SLC24A4: variants seen among roughly 807,000 people sequenced by gnomAD.
The protein encoded by SLC24A4 is sodium/potassium/calcium exchanger 4.
SLC24A4 carries 53 observed loss-of-function variants against 79.0 expected under a neutral mutation model. That is an observed-to-expected ratio of 0.67 (90% CI 0.54 to 0.84). The LOEUF (loss-of-function observed/expected upper bound fraction) is 0.84, where lower values mean the gene tolerates loss of function less well. Among genes scored for constraint, SLC24A4 ranks in the 40% least tolerant of loss-of-function variants. SLC24A4 has a pLI of 0.00. For missense variants in SLC24A4, 731 were observed against 822.0 expected, an observed-to-expected ratio of 0.89 and a Z score of 1.35; for synonymous variants, 323 against 323.8, an observed-to-expected ratio of 1.00 and a Z score of 0.03.
intron 2 of SLC24A4, among the ~76,000 whole-genome samples, chr14:92,350,464 C>T (rs1038916085): frequency 2.6e-5 from 4 of 152,164 alleles, no homozygotes; most frequent in Admixed American, 2.6e-4. Flanking sequence ...AGGACCCTCC[C>T]AAATTGTTGG....
At chr14:92,361,917 T>TCGG (rs1800098678) in intron 2 of SLC24A4, among the ~76,000 whole-genome samples, 1 of 152,100 alleles carries the variant, frequency 6.6e-6, no homozygotes, top group Non-Finnish European at 1.5e-5. Flanking sequence ...ATATGGCATC[T>TCGG]CAAAGGGGAG....
At chr14:92,388,116 T>G (rs1889266555) in intron 2 of SLC24A4, among the ~76,000 whole-genome samples, 1 of 152,154 alleles carries the variant, frequency 6.6e-6, no homozygotes, top group Non-Finnish European at 1.5e-5. Flanking sequence ...TTGTGGAACC[T>G]CCATACTGTT....
chr14:92,471,547 T>C (rs956868929), intron 12 of SLC24A4, among the ~76,000 whole-genome samples: 5 of 152,178 alleles, frequency 3.3e-5, no homozygotes, highest in African/African-American at 1.2e-4. Flanking sequence ...TTCCCAAGGT[T>C]GACCCTTGTT....
intron 2 of SLC24A4, among the ~76,000 whole-genome samples, chr14:92,428,523 A>T (rs1232732113): frequency 6.6e-6 from 1 of 152,196 alleles, no homozygotes; most frequent in African/African-American, 2.4e-5. Context: ...ATCAAGGACA[A>T]TGTCAGGATT....
rs761447643 is a variant in SLC24A4, at chr14:92,443,386, G to A, written c.583-14G>A. The A allele has an allele frequency of 1.9e-6, 3 of 1,614,002 alleles. No homozygotes were observed. Among genetic ancestry groups the A allele is most frequent in the Non-Finnish European group, 2.5e-6 (3 of 1,179,980 alleles). On this transcript the variant is annotated splice_polypyrimidine_tract_variant and intron_variant, in intron 6 of 16. Transcript: ENST00000532405. ...CTGCGCTCATAGCAGCCAACGACGG[G>A]GCTCTGCTGGCAGGTGGTCCGTCTG...
rs1374861855 is a variant in SLC24A4 at position 92,499,891 on chromosome 14, G to C, written c.*6263G>C. The C allele has an allele frequency of 1.3e-5, 2 of 149,432 alleles. No individual in the cohort carries two copies. Among genetic ancestry groups the C allele is most frequent in the Non-Finnish European group, 3.0e-5 (2 of 67,714 alleles). 9.3% of individuals were successfully genotyped at this position (149,432 alleles called of 1,614,324 possible). The stretch of plus-strand genomic sequence containing the variant: ...GCCTCACTCTGTTGCCCAGGCTGGA[G>C]TGCAGTGGCGCGATCTCCACTCACT... On this transcript the variant is annotated 3_prime_UTR_variant, in exon 17 of 17. Coordinates refer to ENST00000532405, the MANE Select transcript of SLC24A4 (RefSeq NM_153646.4).
At chr14:92,411,106 G>T (rs1890684671) in intron 2 of SLC24A4, among the ~76,000 whole-genome samples, 1 of 152,204 alleles carries the variant, frequency 6.6e-6, no homozygotes, top group Non-Finnish European at 1.5e-5. Flanking sequence ...TCAGGTCCCA[G>T]AGAGGGAGTA....
Position 92,491,675 on chromosome 14 carries a change from C to T in SLC24A4, c.1548C>T (p.Asp516=), listed in dbSNP as rs1472289238. The T allele has an allele frequency of 6.2e-7, 1 of 1,613,308 alleles. No homozygotes were observed. The highest frequency in any genetic ancestry group is 8.5e-7 in the Non-Finnish European group (1 of 1,179,240). ...SLIVARQGLG[D]MAVSNTIGSN... ...TGTTGTCCCCTGCAGGCCTTGGGGA[C>T]ATGGCAGTCTCCAACACCATAGGAA... is the stretch of plus-strand genomic sequence containing the variant. Residue 516 remains aspartate, a synonymous_variant, in exon 15 of 17, where the codon GAC becomes GAT. Coordinates refer to ENST00000532405, the MANE Select transcript of SLC24A4 (RefSeq NM_153646.4).
At chr14:92,368,276 A>G (rs1173857337) in intron 2 of SLC24A4, among the ~76,000 whole-genome samples, 2 of 152,250 alleles carry the variant, frequency 1.3e-5, no homozygotes, top group Non-Finnish European at 2.9e-5. Context: ...GGAAAAAATC[A>G]TCACAGCTAC....
At chr14:92,436,192 G>A (rs545941073) in intron 3 of SLC24A4, among the ~76,000 whole-genome samples, 12 of 152,226 alleles carry the variant, frequency 7.9e-5, no homozygotes, top group Non-Finnish European at 1.5e-4. Context: ...GCAGGGAAGA[G>A]AGATCATGCA....
intron 12 of SLC24A4, among the ~76,000 whole-genome samples, chr14:92,474,478 TTTGTTG>T (rs201635435): frequency 1.3e-5 from 2 of 151,718 alleles, no homozygotes. Flanking sequence ...CCACATTTGT[TTTGTTG>T]TTGTTGTTGT....
chr14:92,368,214 A>G (rs1011513220), intron 2 of SLC24A4, among the ~76,000 whole-genome samples: 16 of 152,226 alleles, frequency 1.1e-4, no homozygotes, highest in African/African-American at 3.6e-4. Flanking sequence ...TGGGCAATTC[A>G]TTAATTTCCA....
chr14:92,354,168 CTTTTT>C (rs111511708), intron 2 of SLC24A4, among the ~76,000 whole-genome samples: 1 of 142,500 alleles, frequency 7.0e-6, no homozygotes, highest in East Asian at 2.1e-4. Flanking sequence ...TTACTGACTA[CTTTTT>C]TTTTTTTTTT....
At chr14:92,475,330 G>A (rs1894706194) in intron 12 of SLC24A4, among the ~76,000 whole-genome samples, 1 of 152,176 alleles carries the variant, frequency 6.6e-6, no homozygotes, top group African/African-American at 2.4e-5. Flanking sequence ...ATGCAGAGCA[G>A]GCTGTTAGAA....
chr14:92,459,549 CG>C (rs935296180), intron 12 of SLC24A4, among the ~76,000 whole-genome samples: 5 of 152,200 alleles, frequency 3.3e-5, no homozygotes, highest in Non-Finnish European at 7.4e-5. Context: ...AAGTTCCACA[CG>C]TTTCCTCTGT....
At chr14:92,402,271 T>A (rs1221730882) in intron 2 of SLC24A4, among the ~76,000 whole-genome samples, 3 of 152,138 alleles carry the variant, frequency 2.0e-5, no homozygotes, top group African/African-American at 7.2e-5. Flanking sequence ...ACAACTTAAT[T>A]TAGGAAAGCC....
At chr14:92,361,377 GA>G (rs1887512640) in intron 2 of SLC24A4, among the ~76,000 whole-genome samples, 1 of 151,888 alleles carries the variant, frequency 6.6e-6, no homozygotes, top group South Asian at 2.1e-4. Flanking sequence ...AGGGGCTTGG[GA>G]AAGTGCAAAG....
chr14:92,491,967 G>T (rs1212427049), intron 15 of SLC24A4, among the ~76,000 whole-genome samples, 190 bp downstream of exon 15: 1 of 152,170 alleles, frequency 6.6e-6, no homozygotes, highest in Non-Finnish European at 1.5e-5. Flanking sequence ...CCGCTGGCGT[G>T]CCTCTCCCCA....
intron 12 of SLC24A4, among the ~76,000 whole-genome samples, chr14:92,474,843 G>GTGTGTATATATATATATATATA (rs779007741): frequency 2.9e-4 from 7 of 23,880 alleles, no homozygotes; most frequent in Non-Finnish European, 6.1e-4. Context: ...GTGTGTGTGT[G>GTGTGTATATATATATATATATA]TATATATATA....
Sources: gnomAD v4.1 joint callset for allele counts (sites outside exome capture counted in the v4.1 genomes callset) on GRCh38, gnomAD v4.1.1 for gene constraint, MANE v1.5 for transcripts, NCBI Gene and HGNC (gene_info 2026-07-23, HGNC 2026-07-21) for gene names.